Variants in ZEB1 observed in about 807,000 individuals in gnomAD.
ZEB1 encodes zinc finger E-box-binding homeobox 1.
In ZEB1, 21 loss-of-function variants were observed where a neutral mutation model predicts 84.9. That is an observed-to-expected ratio of 0.25 (90% CI 0.18 to 0.36). ZEB1 has a LOEUF of 0.36. Ranked by LOEUF, ZEB1 falls within the 10% of genes least tolerant of loss-of-function variation. ZEB1 has a pLI of 1.00. For missense variants in ZEB1, 1,104 were observed against 1,330.2 expected (o/e 0.83, Z 2.65); for synonymous variants, 420 against 471.1 (o/e 0.89, Z 1.41).
upstream of ZEB1, chr10:31,319,121 T>C: frequency 1.7e-6 from 1 of 595,366 alleles, no homozygotes; most frequent in Non-Finnish European, 3.0e-6. Context: ...AAGCCGGGAG[T>C]GTCGTAAACC....
chr10:31,521,694 G>A lies in ZEB1; in HGVS notation c.2362G>A (p.Glu788Lys). 1 of 1,614,158 alleles carries A rather than the reference G, an allele frequency of 6.2e-7. No homozygotes were observed. The change falls in exon 7 of 9, where the codon GAA becomes AAA. Residue 788 changes from glutamate to lysine, a missense_variant. Glu to Lys is a moderately conservative substitution (Grantham distance 56). Transcript: ENST00000424869. Reference protein sequence around the residue: ...PQKDSCVTDSEPVVNVIPPSA... With the variant: ...PQKDSCVTDSKPVVNVIPPSA... The stretch of plus-strand genomic sequence containing the variant: ...AAAGGACAGTTGTGTTACAGACTCA[G>A]AACCAGTTGTAAATGTAATCCCACC...
chr10:31,403,401 T>C (rs1169555442), intron 1 of ZEB1, among the ~76,000 whole-genome samples: 2 of 151,928 alleles, frequency 1.3e-5, no homozygotes, highest in Non-Finnish European at 2.9e-5. Context: ...TACATTCTCC[T>C]CTTGTAATCA....
chr10:31,476,392 TC>T (rs1289960875), intron 2 of ZEB1, among the ~76,000 whole-genome samples: 1 of 151,844 alleles, frequency 6.6e-6, no homozygotes, highest in African/African-American at 2.4e-5. Flanking sequence ...ACACACAACT[TC>T]CTGAGATTGA....
At position 31,490,436 on chromosome 10, in the gene ZEB1, C is replaced by T. The variant is rs553903138; in HGVS notation, c.260-5340C>T. ...TTCCATTGATGTACTGTCAAGTTCA[C>T]CAGTCTTTGCTCTCTTATCTCCATT... On this transcript the variant is annotated intron_variant, in intron 2 of 8. Transcript: ENST00000424869. Among the ~76,000 whole-genome samples, 7 of 151,722 alleles carry T rather than the reference C, an allele frequency of 4.6e-5. No homozygotes were observed. The South Asian group carries it at 8.3e-4, about 18-fold the overall frequency.
At chr10:31,319,383 G>T in intron 1 of ZEB1, 91 bp downstream of exon 1, 1 of 1,248,136 alleles carries the variant, frequency 8.0e-7, no homozygotes, top group Non-Finnish European at 1.1e-6. Flanking sequence ...AGCCGGGCTG[G>T]GGGCAGCCGG....
chr10:31,450,671 C>T (rs1413519416), intron 1 of ZEB1, among the ~76,000 whole-genome samples: 2 of 152,082 alleles, frequency 1.3e-5, no homozygotes, highest in African/African-American at 4.8e-5. Context: ...ATGATACTAA[C>T]TTCAGTTTTC....
At chr10:31,393,184 C>T (rs974456168) in intron 1 of ZEB1, among the ~76,000 whole-genome samples, 1 of 152,124 alleles carries the variant, frequency 6.6e-6, no homozygotes, top group Non-Finnish European at 1.5e-5. Flanking sequence ...CTTAAAGATT[C>T]TAAAATTTAT....
chr10:31,354,792 C>T (rs1298811947), intron 1 of ZEB1, among the ~76,000 whole-genome samples: 2 of 152,128 alleles, frequency 1.3e-5, no homozygotes, highest in Admixed American at 1.3e-4. Flanking sequence ...ACAGAAAGTT[C>T]TGCATGTATA....
intron 1 of ZEB1, among the ~76,000 whole-genome samples, chr10:31,450,189 C>A (rs970693016): frequency 2.6e-5 from 4 of 152,190 alleles, no homozygotes; most frequent in African/African-American, 9.7e-5. Context: ...CAAAATCATT[C>A]TATTCAAAAC....
intron 1 of ZEB1, among the ~76,000 whole-genome samples, chr10:31,331,155 C>T (rs552438502): frequency 1.9e-4 from 24 of 128,524 alleles, no homozygotes; most frequent in Admixed American, 3.8e-4. Context: ...AGTGGCATCT[C>T]GGTTCACTGC....
At chr10:31,445,528 T>C (rs1345443503) in intron 1 of ZEB1, among the ~76,000 whole-genome samples, 3 of 151,768 alleles carry the variant, frequency 2.0e-5, no homozygotes, top group African/African-American at 7.3e-5. Flanking sequence ...TTTTTGCCCA[T>C]TCAGTATGAT....
chr10:31,325,798 A>C (rs2035353137), intron 1 of ZEB1, among the ~76,000 whole-genome samples: 2 of 151,894 alleles, frequency 1.3e-5, no homozygotes. Context: ...TAAATGTTTA[A>C]GATATTTTAA....
chr10:31,378,215 A>G (rs922268767), intron 1 of ZEB1, among the ~76,000 whole-genome samples: 1 of 151,618 alleles, frequency 6.6e-6, no homozygotes, highest in African/African-American at 2.4e-5. Flanking sequence ...CTGAAGCACC[A>G]CTATATTATC....
At chr10:31,388,474 T>C (rs1047397755) in intron 1 of ZEB1, among the ~76,000 whole-genome samples, 10 of 152,086 alleles carry the variant, frequency 6.6e-5, no homozygotes, top group Non-Finnish European at 1.2e-4. Context: ...TAATAGAAGA[T>C]ATTAAAGAGG....
intron 1 of ZEB1, among the ~76,000 whole-genome samples, chr10:31,437,927 G>A (rs1014145339): frequency 1.7e-4 from 26 of 152,130 alleles, no homozygotes; most frequent in Admixed American, 1.2e-3. Flanking sequence ...AAGCCTCAAA[G>A]CCAATCAAAG....
Position 31,520,018 on chromosome 10 carries a change from G to A in ZEB1, c.794-108G>A, listed in dbSNP as rs2071964333. On this transcript the variant is annotated intron_variant, in intron 6 of 8. Transcript: ENST00000424869. The surrounding 1 kb of genome is among the most constrained non-coding windows in gnomAD (Gnocchi z 5.1). ...ATACAGTTCTGTCACAAGCATGCAT[G>A]GCAGTCTTCTTTTTAAAATTGATAC... The A allele has an allele frequency of 1.4e-6, 2 of 1,387,098 alleles. No individual in the cohort carries two copies. Among genetic ancestry groups the A allele is most frequent in the Non-Finnish European group, 2.0e-6 (2 of 1,016,428 alleles). The allele number at this position is 1,387,098 out of a possible 1,614,324, so 85.9% of individuals were successfully genotyped here.
At chr10:31,392,342 C>G (rs572801527) in intron 1 of ZEB1, among the ~76,000 whole-genome samples, 1 of 152,118 alleles carries the variant, frequency 6.6e-6, no homozygotes, top group Non-Finnish European at 1.5e-5. Flanking sequence ...TTTATATTTC[C>G]AGAATATTAA....
At chr10:31,517,793 G>A (rs539909638) in intron 6 of ZEB1, among the ~76,000 whole-genome samples, 27 of 152,242 alleles carry the variant, frequency 1.8e-4, no homozygotes, top group African/African-American at 6.5e-4. Flanking sequence ...TGGATCCTTA[G>A]CTATGTATAG....
rs974117921 is a variant in ZEB1 at position 31,516,511 on chromosome 10, A to G, written c.793+1803A>G. 2.1e-5 allele frequency among the ~76,000 whole-genome samples: 3 copies of G among 143,962 alleles called. No individual in the cohort carries two copies. In the East Asian group the frequency reaches 6.7e-4, roughly 32 times the overall value. 94.4% of individuals were successfully genotyped at this position (143,962 alleles called of 152,430 possible). A position where few individuals can be genotyped will look rare whatever the true frequency, so the allele number is the denominator to read the frequency against. ...AAGGTTTAGGAAGAAAATGACAATC[A>G]GTAACCAAGACCCAGGGTGTCTGTA... is the stretch of plus-strand genomic sequence containing the variant. On this transcript the variant is annotated intron_variant, in intron 6 of 8. Coordinates refer to ENST00000424869, the MANE Select transcript of ZEB1 (RefSeq NM_001174096.2).
Sources: gnomAD v4.1 joint callset for allele counts (sites outside exome capture counted in the v4.1 genomes callset) on GRCh38, gnomAD v4.1.1 for gene constraint, Gnocchi (gnomAD v3.1) non-coding constraint, MANE v1.5 for transcripts, NCBI Gene and HGNC (gene_info 2026-07-23, HGNC 2026-07-21) for gene names.